The following GRIN2A variants were observed in gnomAD, a reference collection of about 807,000 sequenced individuals.
The protein encoded by GRIN2A is glutamate ionotropic receptor NMDA type subunit 2A, also known as glutamate receptor ionotropic, NMDA 2A.
Under a neutral mutation model 113.4 loss-of-function variants are expected in GRIN2A, and 22 were observed. That is an observed-to-expected ratio of 0.19 (90% CI 0.14 to 0.28). The LOEUF (loss-of-function observed/expected upper bound fraction) is 0.28, where lower values mean the gene tolerates loss of function less well. Ranked by LOEUF, GRIN2A falls within the 10% of genes least tolerant of loss-of-function variation. The pLI is 1.00. For missense variants in GRIN2A, 1,502 were observed against 1,887.0 expected, an observed-to-expected ratio of 0.80 and a Z score of 3.78; for synonymous variants, 827 against 738.4, an observed-to-expected ratio of 1.12 and a Z score of -1.94.
At chr16:10,014,089 G>C (rs1452012636) in intron 2 of GRIN2A, among the ~76,000 whole-genome samples, 1 of 152,230 alleles carries the variant, frequency 6.6e-6, no homozygotes, top group Non-Finnish European at 1.5e-5. Context: ...TGTGAGAGCA[G>C]AGTGCAAGCC....
chr16:9,773,352 G>C (rs1901398164), intron 11 of GRIN2A, among the ~76,000 whole-genome samples: 1 of 152,156 alleles, frequency 6.6e-6, no homozygotes, highest in Non-Finnish European at 1.5e-5. Context: ...GCATCCTTTA[G>C]GTAGGGTGAA....
chr16:9,964,454 A>G (rs1189277541), intron 2 of GRIN2A, among the ~76,000 whole-genome samples: 3 of 152,172 alleles, frequency 2.0e-5, no homozygotes, highest in Non-Finnish European at 4.4e-5. Context: ...ATTACCATCA[A>G]CTTGGCGGGG....
At chr16:10,140,917 G>T (rs2049314139) in intron 2 of GRIN2A, among the ~76,000 whole-genome samples, 1 of 152,164 alleles carries the variant, frequency 6.6e-6, no homozygotes, top group African/African-American at 2.4e-5. Context: ...ATACAGGCTG[G>T]GTGTGGTGGC....
intron 3 of GRIN2A, among the ~76,000 whole-genome samples, chr16:9,933,925 T>G (rs2044654006): frequency 6.6e-6 from 1 of 152,234 alleles, no homozygotes; most frequent in Non-Finnish European, 1.5e-5. Context: ...GACAGAAGTA[T>G]GCATTGGGAA....
At chr16:10,174,278 A>C (rs1158174089) in intron 2 of GRIN2A, among the ~76,000 whole-genome samples, 2 of 152,228 alleles carry the variant, frequency 1.3e-5, no homozygotes, top group Admixed American at 1.3e-4. Flanking sequence ...GAAGTCACCT[A>C]CATGAGATGG....
At chr16:9,937,870 G>GT in intron 3 of GRIN2A, 89 bp downstream of exon 3, 1 of 891,590 alleles carries the variant, frequency 1.1e-6, no homozygotes, top group Non-Finnish European at 1.9e-6. Context: ...TTTTCAGTGC[G>GT]TATTTCCAAC....
chr16:10,118,601 C>A (rs936476040), intron 2 of GRIN2A, among the ~76,000 whole-genome samples: 2 of 152,212 alleles, frequency 1.3e-5, no homozygotes, highest in African/African-American at 4.8e-5. Context: ...TCTATGTCTT[C>A]CAGTCCTGGT....
chr16:10,035,459 C>T, intron 2 of GRIN2A, among the ~76,000 whole-genome samples: 1 of 152,208 alleles, frequency 6.6e-6, no homozygotes, highest in East Asian at 1.9e-4. Context: ...TTTCAAATGT[C>T]CTTCCCTGGC....
intron 2 of GRIN2A, among the ~76,000 whole-genome samples, chr16:10,060,108 G>A (rs2047525094): frequency 1.3e-5 from 2 of 152,084 alleles, no homozygotes; most frequent in Admixed American, 1.3e-4. Context: ...ACATTCCCAA[G>A]GAAGAGGAAG....
At chr16:10,145,657 T>C (rs1189412147) in intron 2 of GRIN2A, among the ~76,000 whole-genome samples, 1 of 152,184 alleles carries the variant, frequency 6.6e-6, no homozygotes, top group Non-Finnish European at 1.5e-5. Context: ...AAAAATTGAT[T>C]AAATAATAAT....
At chr16:9,863,618 A>G (rs2043110184) in intron 4 of GRIN2A, among the ~76,000 whole-genome samples, 1 of 152,198 alleles carries the variant, frequency 6.6e-6, no homozygotes, top group African/African-American at 2.4e-5. Context: ...AATGTGAACC[A>G]TGTGTCAATT....
Position 9,786,650 on chromosome 16 carries a change from A to T in GRIN2A, c.2356+11627T>A, listed in dbSNP as rs891679298. ...TCTTCCAAGATGTCTATGAGGGTTTATAGCAGCTAAAGAAGTAACATCATG... is the reference window on the plus strand; with the variant it reads ...TCTTCCAAGATGTCTATGAGGGTTTTTAGCAGCTAAAGAAGTAACATCATG... On this transcript the variant is annotated intron_variant, in intron 11 of 12. Coordinates refer to ENST00000330684, the MANE Select transcript of GRIN2A (RefSeq NM_001134407.3). Among the ~76,000 whole-genome samples the T allele has an allele frequency of 3.3e-5, 5 of 152,272 alleles. No homozygotes were observed. In the South Asian group the frequency reaches 1.0e-3, roughly 32 times the overall value.
chr16:9,910,433 T>C (rs1038802111), intron 3 of GRIN2A, among the ~76,000 whole-genome samples: 2 of 151,388 alleles, frequency 1.3e-5, no homozygotes, highest in Non-Finnish European at 2.9e-5. Context: ...GATGGCTGAA[T>C]AGAACTGAGC....
At chr16:9,793,026 G>C (rs767573976) in intron 11 of GRIN2A, among the ~76,000 whole-genome samples, 1 of 152,194 alleles carries the variant, frequency 6.6e-6, no homozygotes, top group Non-Finnish European at 1.5e-5. Context: ...CACTGAAACA[G>C]TCTTTGTTTT....
At chr16:9,856,484 G>A (rs1327962208) in intron 4 of GRIN2A, among the ~76,000 whole-genome samples, 3 of 151,874 alleles carry the variant, frequency 2.0e-5, no homozygotes, top group Non-Finnish European at 4.4e-5. Context: ...AATTTGCCGG[G>A]CATGGTGGTA....
At chr16:9,980,964 T>C (rs1344240113) in intron 2 of GRIN2A, among the ~76,000 whole-genome samples, 2 of 150,798 alleles carry the variant, frequency 1.3e-5, no homozygotes, top group South Asian at 2.1e-4. Context: ...GTTGTGCACA[T>C]GTACCCTAAA....
chr16:9,833,769 G>C (rs1273068197), intron 8 of GRIN2A, among the ~76,000 whole-genome samples: 1 of 152,174 alleles, frequency 6.6e-6, no homozygotes, highest in Non-Finnish European at 1.5e-5. Flanking sequence ...CCTCAGGCTG[G>C]AGTGCAGTGG....
intron 10 of GRIN2A, among the ~76,000 whole-genome samples, chr16:9,812,598 G>C (rs1007638697): frequency 6.6e-6 from 1 of 151,768 alleles, no homozygotes; most frequent in Non-Finnish European, 1.5e-5. Context: ...AGATAGTACC[G>C]CTGCACTCCA....
In GRIN2A at chr16:10,068,819, C is replaced by T. The variant is rs113058524; in HGVS notation, c.414+111179G>A. ...ATCAGGGAATCTGTCTCTGGGGAAG[C>T]GACATTGAAGCAGAGACCTGAAGGA... On this transcript the variant is annotated intron_variant, in intron 2 of 12. Transcript: ENST00000330684. 8.8e-3 allele frequency among the ~76,000 whole-genome samples: 1,335 copies of T among 152,166 alleles called. 21 individuals are homozygous for T. The highest frequency in any genetic ancestry group is 0.031 in the African/African-American group (1,268 of 41,494).
Sources: allele counts gnomAD v4.1 joint callset (sites outside exome capture counted in the v4.1 genomes callset), GRCh38; gene constraint gnomAD v4.1.1; transcripts MANE v1.5; gene names NCBI Gene and HGNC (gene_info 2026-07-23, HGNC 2026-07-21).